The following ZPBP variants were observed in gnomAD, a reference collection of about 807,000 sequenced individuals.
ZPBP encodes the protein zona pellucida-binding protein 1.
A neutral mutation model predicts 44.8 loss-of-function variants in ZPBP; 26 were observed. The ratio of observed to expected loss-of-function variants is 0.58; its 90% CI spans 0.43 to 0.81. ZPBP has a LOEUF of 0.81. Ranked by LOEUF, ZPBP falls within the 30% of genes least tolerant of loss-of-function variation. The pLI is 0.00. For synonymous variants in ZPBP, 174 were observed against 153.2 expected (o/e 1.14, Z -1.00); for missense variants, 409 against 434.0 (o/e 0.94, Z 0.51).
intron 7 of ZPBP, among the ~76,000 whole-genome samples, chr7:49,941,974 G>T (rs1583881824): frequency 6.6e-6 from 1 of 152,034 alleles, no homozygotes; most frequent in East Asian, 1.9e-4. Context: ...AGGGACAAAT[G>T]ATTTTCACAA....
rs192305776 is a variant in ZPBP, at chr7:50,000,384, T to C, written c.784-16865A>G. ...AAAGAAAAGAAAATTTAATACTTGATGAATAAAGCACTTGTTTAAAGAATT... is the reference window on the plus strand; with the variant it reads ...AAAGAAAAGAAAATTTAATACTTGACGAATAAAGCACTTGTTTAAAGAATT... On this transcript the variant is annotated intron_variant, in intron 6 of 7. Transcript: ENST00000046087. 6.4e-4 allele frequency among the ~76,000 whole-genome samples: 98 copies of C among 152,296 alleles called. 1 individual carries two copies. Among genetic ancestry groups the C allele is most frequent in the African/African-American group, 2.2e-3 (92 of 41,566 alleles).
At chr7:50,050,828 A>G (rs1446235642) in intron 4 of ZPBP, among the ~76,000 whole-genome samples, 2 of 151,188 alleles carry the variant, frequency 1.3e-5, no homozygotes, top group Non-Finnish European at 3.0e-5. Context: ...AAAATTATAA[A>G]AACCCTAGAA....
intron 4 of ZPBP, among the ~76,000 whole-genome samples, chr7:50,049,925 G>C (rs1322310695): frequency 6.6e-6 from 1 of 151,740 alleles, no homozygotes; most frequent in African/African-American, 2.4e-5. Flanking sequence ...ATCTAGTATT[G>C]TTACATGACT....
At chr7:49,841,096 C>T in the ZPBP span, among the ~76,000 whole-genome samples, 1 of 152,150 alleles carries the variant, frequency 6.6e-6, no homozygotes, top group Non-Finnish European at 1.5e-5. Context: ...TTTTTTCTGT[C>T]TGAATTATGA....
chr7:50,013,063 T>G (rs967733881), intron 6 of ZPBP, among the ~76,000 whole-genome samples: 27 of 151,852 alleles, frequency 1.8e-4, no homozygotes, highest in African/African-American at 6.3e-4. Context: ...GGAATAAATT[T>G]AACCCAAATG....
Position 49,983,290 on chromosome 7 carries a change from AAC to A in ZPBP, c.961+50_961+51del, listed in dbSNP as rs1797109355. On this transcript the variant is annotated intron_variant, in intron 7 of 7. Transcript: ENST00000046087. Reference sequence around the variant, plus strand: ...TATGCATTCACTTAGGCTTAATGAAAACACATAAATTTTCAACAATATAAAAC... The same window carrying A: ...TATGCATTCACTTAGGCTTAATGAAAACATAAATTTTCAACAATATAAAAC... The A allele has an allele frequency of 3.2e-6, 5 of 1,556,754 alleles. No homozygotes were observed. The African/African-American group carries it at 4.1e-5, about 13-fold the overall frequency.
At chr7:49,877,476 AAAAAAATATATATATATATAT>A (rs1791466844) in intron 2 of ZPBP, among the ~76,000 whole-genome samples, 1 of 43,918 alleles carries the variant, frequency 2.3e-5, no homozygotes, top group Admixed American at 3.1e-4. Context: ...AAAAAAAAAA[AAAAAAATATATATATATATAT>A]ATATATATAT....
intron 6 of ZPBP, among the ~76,000 whole-genome samples, chr7:50,016,131 T>A (rs114457137): frequency 3.3e-5 from 5 of 152,108 alleles, no homozygotes; most frequent in Admixed American, 6.6e-5. Context: ...ACTGCCACTA[T>A]TTACAATAGC....
At chr7:50,044,379 C>G (rs559242952) in intron 4 of ZPBP, among the ~76,000 whole-genome samples, 94 of 152,154 alleles carry the variant, frequency 6.2e-4, no homozygotes, top group African/African-American at 2.1e-3. Flanking sequence ...AATCCAGGAG[C>G]TGGTTTTTTG....
chr7:49,929,200 T>C (rs201553158), intron 1 of ZPBP, among the ~76,000 whole-genome samples: 1 of 152,200 alleles, frequency 6.6e-6, no homozygotes, highest in East Asian at 1.9e-4. Flanking sequence ...TCTTTCTTGA[T>C]TAAAGAAGTC....
chr7:50,062,611 T>C (rs1801298339), intron 3 of ZPBP, among the ~76,000 whole-genome samples: 1 of 152,162 alleles, frequency 6.6e-6, no homozygotes, highest in Non-Finnish European at 1.5e-5. Flanking sequence ...CTGGAATAAC[T>C]GCCTAGCCAC....
chr7:50,079,006 A>T (rs543703840), intron 3 of ZPBP, among the ~76,000 whole-genome samples: 2 of 151,678 alleles, frequency 1.3e-5, no homozygotes, highest in South Asian at 4.1e-4. Context: ...GAGAGAAGAC[A>T]CAACCAACAT....
intron 4 of ZPBP, among the ~76,000 whole-genome samples, chr7:50,043,719 G>A (rs1188094407): frequency 6.6e-6 from 1 of 152,088 alleles, no homozygotes; most frequent in Non-Finnish European, 1.5e-5. Flanking sequence ...ATAATAGTAG[G>A]AGACTTTAAG....
intron 7 of ZPBP, among the ~76,000 whole-genome samples, chr7:49,976,770 CAAGT>C (rs1207300811): frequency 3.3e-5 from 5 of 152,060 alleles, no homozygotes; most frequent in Non-Finnish European, 7.4e-5. Flanking sequence ...CAGTTTCACT[CAAGT>C]AAGTTTTCCA....
chr7:50,048,442 C>T (rs905256449), intron 4 of ZPBP, among the ~76,000 whole-genome samples: 1 of 152,100 alleles, frequency 6.6e-6, no homozygotes, highest in Non-Finnish European at 1.5e-5. Flanking sequence ...ACACATGGAA[C>T]ATTCTCAAGG....
intron 2 of ZPBP, among the ~76,000 whole-genome samples, chr7:49,883,360 A>T (rs1296556337): frequency 6.6e-6 from 1 of 152,180 alleles, no homozygotes; most frequent in Non-Finnish European, 1.5e-5. Context: ...AAATATAAAA[A>T]TGGCTTCGTC....
intron 7 of ZPBP, among the ~76,000 whole-genome samples, chr7:49,961,139 T>C (rs562652726): frequency 4.6e-5 from 7 of 152,108 alleles, no homozygotes; most frequent in Non-Finnish European, 8.8e-5. Context: ...AAAATATATA[T>C]CCACACAAAG....
chr7:49,871,363 TTATTA>T (rs1225427060), intron 2 of ZPBP, among the ~76,000 whole-genome samples: 1 of 152,182 alleles, frequency 6.6e-6, no homozygotes, highest in African/African-American at 2.4e-5. Flanking sequence ...ATGGTTTTCT[TTATTA>T]TAACATTGCT....
intron 3 of ZPBP, among the ~76,000 whole-genome samples, chr7:50,062,642 C>T (rs572529932): frequency 6.6e-5 from 10 of 152,234 alleles, no homozygotes; most frequent in East Asian, 3.9e-4. Context: ...TTGAAACTGG[C>T]GCCCTTCCTT....
Sources: allele counts gnomAD v4.1 joint callset (sites outside exome capture counted in the v4.1 genomes callset), GRCh38; gene constraint gnomAD v4.1.1; transcripts MANE v1.5; gene names NCBI Gene and HGNC (gene_info 2026-07-23, HGNC 2026-07-21).